The following MAP6 variants were observed in gnomAD, a reference collection of about 807,000 sequenced individuals.
The protein encoded by MAP6 is microtubule associated protein 6, also known as microtubule-associated protein 6.
Under a neutral mutation model 42.4 loss-of-function variants are expected in MAP6, and 26 were observed. The observed-to-expected ratio is 0.61, with a 90% confidence interval of 0.45 to 0.85. MAP6 has a LOEUF of 0.85. Among genes scored for constraint, MAP6 ranks in the 40% least tolerant of loss-of-function variants. The probability of loss-of-function intolerance (pLI) is 0.00; values close to 1 mark genes in which losing one functional copy is unlikely to be tolerated. For missense variants in MAP6, 966 were observed against 1,099.0 expected (o/e 0.88, Z 1.71); for synonymous variants, 418 against 443.8 (o/e 0.94, Z 0.73).
intron 1 of MAP6, among the ~76,000 whole-genome samples, chr11:75,649,088 T>C (rs990209149): frequency 6.6e-5 from 10 of 152,162 alleles, no homozygotes; most frequent in Admixed American, 3.3e-4. Flanking sequence ...TAGACATGTA[T>C]AAGGATATTC....
In MAP6 at chr11:75,604,480, C is replaced by T. The variant is rs565822379; in HGVS notation, c.1316+1328G>A. On this transcript the variant is annotated intron_variant, in intron 3 of 3. Coordinates refer to ENST00000304771, the MANE Select transcript of MAP6 (RefSeq NM_033063.2). Reference sequence around the variant, plus strand: ...GACGGCAGCCCAGTGTGTCAGAATGCCGGGGACAAGAGGATTTTAAGGACA... The same window carrying T: ...GACGGCAGCCCAGTGTGTCAGAATGTCGGGGACAAGAGGATTTTAAGGACA... The T allele has an allele frequency of 1.3e-5, 13 of 985,268 alleles. No individual in the cohort carries two copies. The South Asian group carries it at 5.6e-4, about 43-fold the overall frequency. 61.0% of individuals were successfully genotyped at this position (985,268 alleles called of 1,614,324 possible). A position where few individuals can be genotyped will look rare whatever the true frequency, so the allele number is the denominator to read the frequency against.
chr11:75,590,032 A>G (rs980972156), intron 3 of MAP6, among the ~76,000 whole-genome samples: 2 of 152,146 alleles, frequency 1.3e-5, no homozygotes, highest in African/African-American at 2.4e-5. Flanking sequence ...CTGGCTCAGC[A>G]TGATATGGAA....
chr11:75,650,145 T>C (rs1026164610), intron 1 of MAP6, among the ~76,000 whole-genome samples: 1 of 152,118 alleles, frequency 6.6e-6, no homozygotes, highest in African/African-American at 2.4e-5. Context: ...ACCCAGGCCT[T>C]TACAGGGATC....
chr11:75,587,547 C>T lies in MAP6; in HGVS notation c.1954G>A (p.Ala652Thr). 6.2e-7 allele frequency: 1 copy of T among 1,614,138 alleles called. No homozygotes were observed. Among genetic ancestry groups the T allele is most frequent in the Non-Finnish European group, 8.5e-7 (1 of 1,180,026 alleles). ...MVPEHPKDES[A>T]MATAPIKNQG... ...TTCTTTATGGGTGCTGTGGCCATGG[C>T]ACTTTCATCCTTCGGATGCTCTGGG... is the stretch of plus-strand genomic sequence containing the variant. Residue 652 changes from alanine (A) to threonine (T), a missense_variant, in exon 4 of 4, where the codon GCC becomes ACC. Physicochemically the swap from Ala to Thr is moderately conservative, Grantham distance 58. This residue lies in a region of MAP6 where 943 missense variants were observed against 1,049.9 expected (regional missense o/e 0.90). Coordinates refer to ENST00000304771, the MANE Select transcript of MAP6 (RefSeq NM_033063.2).
chr11:75,658,591 C>T (rs1243256339), intron 1 of MAP6, among the ~76,000 whole-genome samples: 1 of 152,214 alleles, frequency 6.6e-6, no homozygotes, highest in Non-Finnish European at 1.5e-5. Context: ...CCAGTCTAAT[C>T]TCTCCAGTCC....
intron 1 of MAP6, among the ~76,000 whole-genome samples, chr11:75,663,289 C>T (rs1025802122): frequency 3.9e-5 from 6 of 152,038 alleles, no homozygotes; most frequent in African/African-American, 9.7e-5. Flanking sequence ...AGGATTTGGA[C>T]TTTAACTTGA....
chr11:75,628,580 C>T (rs1181064372), intron 1 of MAP6, among the ~76,000 whole-genome samples: 4 of 152,154 alleles, frequency 2.6e-5, no homozygotes, highest in Non-Finnish European at 5.9e-5. Context: ...CAGGCCAGAG[C>T]GGCAGGAGGG....
At chr11:75,599,688 T>C (rs950909790) in intron 3 of MAP6, among the ~76,000 whole-genome samples, 1 of 152,162 alleles carries the variant, frequency 6.6e-6, no homozygotes, top group East Asian at 1.9e-4. Context: ...CTGTGGGGTA[T>C]GGGCTTAGTT....
Position 75,592,238 on chromosome 11 carries a change from G to A in MAP6, c.1317-4054C>T, listed in dbSNP as rs149353471. ...TCGTTTGCATCCCTGCTGCAGCACC[G>A]TCTCACAGTCTCTCTCTCCGCTTTC... On this transcript the variant is annotated intron_variant, in intron 3 of 3. Transcript: ENST00000304771. 1.1e-4 allele frequency among the ~76,000 whole-genome samples: 16 copies of A among 152,234 alleles called. No individual in the cohort carries two copies. In the East Asian group the frequency reaches 1.5e-3, roughly 15 times the overall value.
At chr11:75,618,682 C>T (rs1943047325) in intron 1 of MAP6, among the ~76,000 whole-genome samples, 1 of 152,158 alleles carries the variant, frequency 6.6e-6, no homozygotes, top group Non-Finnish European at 1.5e-5. Context: ...GGAAGCTTCC[C>T]CACACCACCG....
At position 75,588,127 on chromosome 11, in the gene MAP6, C is replaced by T. The variant is rs745394953; in HGVS notation, c.1374G>A (p.Glu458=). The change falls in exon 4 of 4, where the codon GAG becomes GAA. Residue 458 remains glutamate (E), a synonymous_variant. Coordinates refer to ENST00000304771, the MANE Select transcript of MAP6 (RefSeq NM_033063.2). ...SSKTQGPVAT[E]PDKDQGSVVP... ...CCACAGAACCTTGATCCTTGTCTGG[C>T]TCTGTGGCTACAGGACCTTGAGTCT... 1.2e-6 allele frequency: 2 copies of T among 1,614,040 alleles called. No homozygotes were observed. The highest frequency in any genetic ancestry group is 1.7e-6 in the Non-Finnish European group (2 of 1,180,004).
intron 1 of MAP6, among the ~76,000 whole-genome samples, chr11:75,640,654 A>C (rs552298377): frequency 8.5e-4 from 129 of 152,276 alleles, no homozygotes; most frequent in Admixed American, 7.9e-3. Flanking sequence ...ACAAACAACC[A>C]CATCAAAAAG....
chr11:75,590,226 A>AGGAAATT (rs1942453032), intron 3 of MAP6, among the ~76,000 whole-genome samples: 1 of 152,226 alleles, frequency 6.6e-6, no homozygotes. Flanking sequence ...AGAGCCAAGC[A>AGGAAATT]GGAAATTGAT....
chr11:75,599,252 A>G (rs1413811448), intron 3 of MAP6, among the ~76,000 whole-genome samples: 1 of 152,180 alleles, frequency 6.6e-6, no homozygotes, highest in Non-Finnish European at 1.5e-5. Context: ...TGCCAGGTTA[A>G]CAAGTAATTG....
intron 1 of MAP6, among the ~76,000 whole-genome samples, chr11:75,630,303 C>T (rs1456414140): frequency 6.6e-6 from 1 of 152,128 alleles, no homozygotes; most frequent in Non-Finnish European, 1.5e-5. Context: ...GAAGTGTTCT[C>T]TCTTTTTCTA....
chr11:75,589,479 A>C (rs141710651), intron 3 of MAP6, among the ~76,000 whole-genome samples: 1 of 152,318 alleles, frequency 6.6e-6, no homozygotes, highest in East Asian at 1.9e-4. Context: ...TCCCTTTTAT[A>C]GCTCATTTCA....
At position 75,588,053 on chromosome 11, in the gene MAP6, T is replaced by G. The variant is rs1175228677; in HGVS notation, c.1448A>C (p.Lys483Thr). The change falls in exon 4 of 4, where the codon AAG becomes ACG. Residue 483 changes from lysine to threonine, a missense_variant. By Grantham distance (78) the Lys-to-Thr change is moderately conservative (BLOSUM62 -1). Coordinates refer to ENST00000304771, the MANE Select transcript of MAP6 (RefSeq NM_033063.2). Reference sequence around the variant, plus strand: ...CCCTGGGACCACAGAACCTTGCTTCTTCAGAGGCTCTTGCACCATAGGACC... The same window carrying G: ...CCCTGGGACCACAGAACCTTGCTTCGTCAGAGGCTCTTGCACCATAGGACC... ...GQGPMVQEPL[K>T]KQGSVVPGPP... The G allele has an allele frequency of 1.1e-5, 17 of 1,614,068 alleles. No homozygotes were observed. Among genetic ancestry groups the G allele is most frequent in the Non-Finnish European group, 1.4e-5 (17 of 1,180,026 alleles).
intron 1 of MAP6, among the ~76,000 whole-genome samples, chr11:75,655,285 A>G (rs1408969204): frequency 6.6e-6 from 1 of 152,226 alleles, no homozygotes; most frequent in Non-Finnish European, 1.5e-5. Flanking sequence ...TTCTCAATGG[A>G]CTAAAAGCCC....
chr11:75,621,642 G>A (rs184040836), intron 1 of MAP6, among the ~76,000 whole-genome samples: 31 of 150,628 alleles, frequency 2.1e-4, no homozygotes, highest in Admixed American at 6.6e-4. Flanking sequence ...GGAATTGGCC[G>A]GGTAATCCAT....
Sources: allele counts gnomAD v4.1 joint callset (sites outside exome capture counted in the v4.1 genomes callset), GRCh38; gene constraint gnomAD v4.1.1; regional missense constraint gnomAD v4.1.1; transcripts MANE v1.5; gene names NCBI Gene and HGNC (gene_info 2026-07-23, HGNC 2026-07-21).